Variants in NUDT5 observed in about 807,000 individuals in gnomAD.
NUDT5 encodes the protein nudix hydrolase 5, also known as ADP-sugar pyrophosphatase.
A neutral mutation model predicts 34.1 loss-of-function variants in NUDT5; 21 were observed. The ratio of observed to expected loss-of-function variants is 0.62; its 90% CI spans 0.44 to 0.89. The LOEUF (loss-of-function observed/expected upper bound fraction) is 0.89. Among genes scored for constraint, NUDT5 ranks in the 40% least tolerant of loss-of-function variants. The pLI, the probability that NUDT5 is intolerant of heterozygous loss-of-function variation, is 0.00. For synonymous variants in NUDT5, 85 were observed against 97.6 expected (o/e 0.87, Z 0.76); for missense variants, 249 against 274.8 (o/e 0.91, Z 0.66).
In NUDT5 at chr10:12,186,241, G is replaced by C; in HGVS notation, c.51C>G (p.Ile17Met). ...AAACAAGTTATACCTCCTCTGAAAT[G>C]ATATACTGTTTGCCATTCTGAGAAG... Reference protein sequence around the residue: ...TESSQNGKQYIISEELISEGK... With the variant: ...TESSQNGKQYMISEELISEGK... The change falls in exon 2 of 10, where the codon ATC becomes ATG. Residue 17 changes from isoleucine to methionine, a missense_variant. Transcript: ENST00000491614. 6.2e-7 allele frequency: 1 copy of C among 1,613,156 alleles called. No individual in the cohort carries two copies. Among genetic ancestry groups the C allele is most frequent in the South Asian group, 1.1e-5 (1 of 91,070 alleles).
At chr10:12,174,151 C>G (rs1292110516) in intron 5 of NUDT5, among the ~76,000 whole-genome samples, 1 of 152,130 alleles carries the variant, frequency 6.6e-6, no homozygotes, top group African/African-American at 2.4e-5. Context: ...CAGGTGTGAG[C>G]CACTGCGCCC....
chr10:12,179,188 A>G (rs1835005831), intron 3 of NUDT5, 56 bp from the exon 4 acceptor site: 2 of 1,469,026 alleles, frequency 1.4e-6, no homozygotes, highest in African/African-American at 1.4e-5. Flanking sequence ...GAATTTTCTT[A>G]GGTTTTCTCT....
rs185135615 is a variant in NUDT5 at position 12,182,583 on chromosome 10, C to G, written c.131+2306G>C. Among the ~76,000 whole-genome samples the G allele has an allele frequency of 1.1e-3, 161 of 152,218 alleles. No individual in the cohort carries two copies. The highest frequency in any genetic ancestry group is 6.8e-3 in the Middle Eastern group (2 of 294). ...AGTTTGGTGGATTTTAGAGCCTACTCCCAATCTACTGAAATAGATATTCTG... is the reference window on the plus strand; with the variant it reads ...AGTTTGGTGGATTTTAGAGCCTACTGCCAATCTACTGAAATAGATATTCTG... On this transcript the variant is annotated intron_variant, in intron 3 of 9. Transcript: ENST00000491614. The surrounding 1 kb of genome is among the most constrained non-coding windows in gnomAD (Gnocchi z 4.3).
chr10:12,194,343 C>G (rs1386201197), intron 1 of NUDT5, among the ~76,000 whole-genome samples: 1 of 152,236 alleles, frequency 6.6e-6, no homozygotes, highest in African/African-American at 2.4e-5. Context: ...TTTTTACTTT[C>G]TAAGTCAAAT....
rs1409903967 is a variant in NUDT5 at position 12,167,700 on chromosome 10, G to A, written c.*2C>T. ...CAAAAATGGCCAGTGTCATATTTGGGCTTAAAATTTCAAGAAGGGCACTTC... is the reference window on the plus strand; with the variant it reads ...CAAAAATGGCCAGTGTCATATTTGGACTTAAAATTTCAAGAAGGGCACTTC... On this transcript the variant is annotated 3_prime_UTR_variant, in exon 10 of 10. Transcript: ENST00000491614. 6.2e-6 allele frequency: 10 copies of A among 1,613,820 alleles called. No individual in the cohort carries two copies. Among genetic ancestry groups the A allele is most frequent in the Middle Eastern group, 1.6e-4 (1 of 6,084 alleles).
In NUDT5 at chr10:12,167,701, C is replaced by G. The variant is rs767173209; in HGVS notation, c.*1G>C. ...AAAAATGGCCAGTGTCATATTTGGG[C>G]TTAAAATTTCAAGAAGGGCACTTCA... On this transcript the variant is annotated 3_prime_UTR_variant, in exon 10 of 10. Coordinates refer to ENST00000491614, the MANE Select transcript of NUDT5 (RefSeq NM_014142.4). The G allele has an allele frequency of 6.2e-7, 1 of 1,613,960 alleles. No individual in the cohort carries two copies. Among genetic ancestry groups the G allele is most frequent in the South Asian group, 1.1e-5 (1 of 91,050 alleles).
rs1227448752 is a variant in NUDT5 at position 12,169,821 on chromosome 10, A to G, written c.550+896T>C. On this transcript the variant is annotated intron_variant, in intron 9 of 9. Coordinates refer to ENST00000491614, the MANE Select transcript of NUDT5 (RefSeq NM_014142.4). The surrounding 1 kb of genome is among the most constrained non-coding windows in gnomAD (Gnocchi z 4.8). ...CCGTAAGCTGCTGAAACTCAGGGAA[A>G]AGCTTAAGAAACTGGTCTTAAAGCT... 3.3e-6 allele frequency: 1 copy of G among 306,864 alleles called. No individual in the cohort carries two copies. Among genetic ancestry groups the G allele is most frequent in the East Asian group, 5.5e-5 (1 of 18,216 alleles). The allele number at this position is 306,864 out of a possible 1,614,324, so 19.0% of individuals were successfully genotyped here.
chr10:12,180,317 A>G (rs3780864), intron 3 of NUDT5: 139,157 of 152,266 alleles, frequency 0.91, 63,648 homozygotes, highest in Middle Eastern at 0.96. Flanking sequence ...CAGCAGCCCA[A>G]CATTCCTGTT....
At chr10:12,178,972 T>G in intron 4 of NUDT5, 111 bp downstream of exon 4, 1 of 920,952 alleles carries the variant, frequency 1.1e-6, no homozygotes, top group Non-Finnish European at 1.8e-6. Flanking sequence ...TAAGCGGAGA[T>G]TTAAAGACAC....
In NUDT5 at chr10:12,182,827, C is replaced by T. The variant is rs1835066160; in HGVS notation, c.131+2062G>A. ...TCTCGGCTCACTGCAACCACCTCCTCCCGGGCTCAAGCAATTCTCCTGTCT... is the reference window on the plus strand; with the variant it reads ...TCTCGGCTCACTGCAACCACCTCCTTCCGGGCTCAAGCAATTCTCCTGTCT... On this transcript the variant is annotated intron_variant, in intron 3 of 9. Transcript: ENST00000491614. This position sits in a 1 kb window ranked among gnomAD's most constrained non-coding sequence, Gnocchi z 4.3. 6.6e-6 allele frequency among the ~76,000 whole-genome samples: 1 copy of T among 152,218 alleles called. No individual in the cohort carries two copies. Among genetic ancestry groups the T allele is most frequent in the African/African-American group, 2.4e-5 (1 of 41,458 alleles).
intron 1 of NUDT5, among the ~76,000 whole-genome samples, chr10:12,188,307 A>G (rs1181242718): frequency 1.3e-5 from 2 of 152,234 alleles, no homozygotes; most frequent in African/African-American, 2.4e-5. Flanking sequence ...CTATTCTAAA[A>G]TACAATCAAT....
chr10:12,176,079 C>T lies in NUDT5; in HGVS notation c.289+1714G>A, dbSNP rs1438966814. Among the ~76,000 whole-genome samples the T allele has an allele frequency of 1.3e-5, 2 of 151,726 alleles. 1 individual carries two copies. Among genetic ancestry groups the T allele is most frequent in the East Asian group, 3.9e-4 (2 of 5,140 alleles). On this transcript the variant is annotated intron_variant, in intron 5 of 9. Transcript: ENST00000491614. Reference sequence around the variant, plus strand: ...GGGTGTGGTGGCACATGCCTGTAATCCCAGCTACTCAGGAGGCTGAGGCAG... The same window carrying T: ...GGGTGTGGTGGCACATGCCTGTAATTCCAGCTACTCAGGAGGCTGAGGCAG...
chr10:12,170,819 C>T lies in NUDT5; in HGVS notation c.497-49G>A. 4 of 1,613,058 alleles carry T rather than the reference C, an allele frequency of 2.5e-6. No individual in the cohort carries two copies. The highest frequency in any genetic ancestry group is 2.2e-5 in the East Asian group (1 of 44,882). ...AAACAAAGCTAACGTCAAGAGCCTACCAAAACAACCCAAAATGTCTGCAGC... is the reference window on the plus strand; with the variant it reads ...AAACAAAGCTAACGTCAAGAGCCTATCAAAACAACCCAAAATGTCTGCAGC... On this transcript the variant is annotated intron_variant, in intron 8 of 9. Coordinates refer to ENST00000491614, the MANE Select transcript of NUDT5 (RefSeq NM_014142.4). This position sits in a 1 kb window ranked among gnomAD's most constrained non-coding sequence, Gnocchi z 4.9.
chr10:12,174,152 C>T (rs1834909660), intron 5 of NUDT5, among the ~76,000 whole-genome samples: 1 of 152,140 alleles, frequency 6.6e-6, no homozygotes, highest in South Asian at 2.1e-4. Flanking sequence ...AGGTGTGAGC[C>T]ACTGCGCCCG....
chr10:12,169,659 G>A lies in NUDT5; in HGVS notation c.550+1058C>T, dbSNP rs1411290503. 4.0e-6 allele frequency: 1 copy of A among 247,380 alleles called. No individual in the cohort carries two copies. The highest frequency in any genetic ancestry group is 7.7e-6 in the Non-Finnish European group (1 of 130,252). 15.3% of individuals were successfully genotyped at this position (247,380 alleles called of 1,614,324 possible). A position where few individuals can be genotyped will look rare whatever the true frequency, so the allele number is the denominator to read the frequency against. On this transcript the variant is annotated intron_variant, in intron 9 of 9. Transcript: ENST00000491614. This position sits in a 1 kb window ranked among gnomAD's most constrained non-coding sequence, Gnocchi z 4.8. ...TAGGTCTAGTTTTTGGAAAGGTGAA[G>A]CAGGAGTGGAAGCTCTCTAAGGGAT...
At chr10:12,178,899 A>G (rs1834999401) in intron 4 of NUDT5, 184 bp downstream of exon 4, 1 of 614,982 alleles carries the variant, frequency 1.6e-6, no homozygotes, top group Non-Finnish European at 2.9e-6. Context: ...TTGGGCTTAG[A>G]TAACAGAAGC....
chr10:12,167,517 CAA>C lies in NUDT5; in HGVS notation c.*183_*184del, dbSNP rs1274133384. ...TTGTTAATTTTAGCTGGAGTTATAACAAATTTAAAGGAAGGTCACAACCTACC... is the reference window on the plus strand; with the variant it reads ...TTGTTAATTTTAGCTGGAGTTATAACATTTAAAGGAAGGTCACAACCTACC... On this transcript the variant is annotated 3_prime_UTR_variant, in exon 10 of 10. Transcript: ENST00000491614. 6 of 554,454 alleles carry C rather than the reference CAA, an allele frequency of 1.1e-5. No homozygotes were observed. The highest frequency in any genetic ancestry group is 1.9e-5 in the African/African-American group (1 of 51,314). 34.3% of individuals were successfully genotyped at this position (554,454 alleles called of 1,614,324 possible). A position where few individuals can be genotyped will look rare whatever the true frequency, so the allele number is the denominator to read the frequency against.
chr10:12,170,369 A>G lies in NUDT5; in HGVS notation c.550+348T>C. 1.5e-6 allele frequency: 1 copy of G among 665,068 alleles called. No homozygotes were observed. Among genetic ancestry groups the G allele is most frequent in the Non-Finnish European group, 2.6e-6 (1 of 388,928 alleles). 41.2% of individuals were successfully genotyped at this position (665,068 alleles called of 1,614,324 possible). On this transcript the variant is annotated intron_variant, in intron 9 of 9. Coordinates refer to ENST00000491614, the MANE Select transcript of NUDT5 (RefSeq NM_014142.4). The surrounding 1 kb of genome is among the most constrained non-coding windows in gnomAD (Gnocchi z 4.9). Reference sequence around the variant, plus strand: ...CCCTCATACTAGCATACTTGAGGAAAAGCTAACAGCTTATCTACCCACACC... The same window carrying G: ...CCCTCATACTAGCATACTTGAGGAAGAGCTAACAGCTTATCTACCCACACC...
chr10:12,172,562 G>C lies in NUDT5; in HGVS notation c.487+203C>G, dbSNP rs749960615. On this transcript the variant is annotated intron_variant, in intron 7 of 9. Transcript: ENST00000491614. ...ATGTCATTTAACATTTTTTTACAAA[G>C]AAAGCGTAAAGATGAATGAAGTGGC... The C allele has an allele frequency of 5.8e-4, 343 of 586,444 alleles. 1 individual carries two copies. The highest frequency in any genetic ancestry group is 1.4e-4 in the Non-Finnish European group (47 of 326,768). The allele number at this position is 586,444 out of a possible 1,614,324, so 36.3% of individuals were successfully genotyped here.
Sources: gnomAD v4.1 joint callset for allele counts (sites outside exome capture counted in the v4.1 genomes callset) on GRCh38, gnomAD v4.1.1 for gene constraint, Gnocchi (gnomAD v3.1) non-coding constraint, MANE v1.5 for transcripts, NCBI Gene and HGNC (gene_info 2026-07-23, HGNC 2026-07-21) for gene names.